FGF12: variants seen among roughly 807,000 people sequenced by gnomAD.
FGF12 encodes the protein fibroblast growth factor 12B.
A neutral mutation model predicts 23.6 loss-of-function variants in FGF12; 14 were observed. The ratio of observed to expected loss-of-function variants is 0.59; its 90% CI spans 0.39 to 0.93. The LOEUF is 0.93. Among genes scored for constraint, FGF12 ranks in the 40% least tolerant of loss-of-function variants. The pLI, the probability that FGF12 is intolerant of heterozygous loss-of-function variation, is 0.00. For synonymous variants in FGF12, 62 were observed against 77.3 expected (o/e 0.80, Z 1.04); for missense variants, 175 against 217.8 (o/e 0.80, Z 1.24).
chr3:192,567,733 GTCTCTT>G (rs771371662), intron 2 of FGF12, among the ~76,000 whole-genome samples: 6 of 141,020 alleles, frequency 4.3e-5, no homozygotes, highest in Non-Finnish European at 4.7e-5. Context: ...TTCTCCATGT[GTCTCTT>G]TCTTTCTTTC....
chr3:192,677,795 G>T (rs984821836), intron 2 of FGF12, among the ~76,000 whole-genome samples: 1 of 152,152 alleles, frequency 6.6e-6, no homozygotes, highest in African/African-American at 2.4e-5. Context: ...ACCCTAAGCG[G>T]ACTCCCAGGC....
intron 2 of FGF12, among the ~76,000 whole-genome samples, chr3:192,725,994 T>C (rs1429639991): frequency 6.6e-6 from 1 of 152,200 alleles, no homozygotes. Flanking sequence ...CTAGTCTTAA[T>C]CCATGTTGAT....
intron 2 of FGF12, among the ~76,000 whole-genome samples, chr3:192,688,401 A>G (rs1577122386): frequency 6.6e-6 from 1 of 152,186 alleles, no homozygotes; most frequent in African/African-American, 2.4e-5. Context: ...TACCAAAACC[A>G]GTCTATAAAG....
At chr3:192,524,378 T>C (rs2108847619) in intron 2 of FGF12, among the ~76,000 whole-genome samples, 1 of 152,350 alleles carries the variant, frequency 6.6e-6, no homozygotes, top group East Asian at 1.9e-4. Flanking sequence ...CAGTAAACTC[T>C]GAGCTTTCTA....
intron 2 of FGF12, among the ~76,000 whole-genome samples, chr3:192,496,288 G>A (rs1238423410): frequency 7.4e-6 from 1 of 134,596 alleles, no homozygotes; most frequent in East Asian, 2.2e-4. Context: ...ATCTCGGGGG[G>A]AGCTTTTCTA....
At chr3:192,326,980 C>A (rs1331165653) in intron 4 of FGF12, among the ~76,000 whole-genome samples, 1 of 152,098 alleles carries the variant, frequency 6.6e-6, no homozygotes, top group Non-Finnish European at 1.5e-5. Flanking sequence ...AGAAGCATTC[C>A]AATGGAAAGG....
intron 3 of FGF12, among the ~76,000 whole-genome samples, chr3:192,354,307 A>G (rs1718366419): frequency 6.6e-6 from 1 of 152,204 alleles, no homozygotes; most frequent in African/African-American, 2.4e-5. Flanking sequence ...TTAACTAAAT[A>G]TCAAATATAA....
At chr3:192,460,017 C>A (rs1193687084) in intron 2 of FGF12, among the ~76,000 whole-genome samples, 3 of 151,576 alleles carry the variant, frequency 2.0e-5, no homozygotes, top group Non-Finnish European at 2.9e-5. Flanking sequence ...TCGAGTCATG[C>A]AGGATGAACA....
At chr3:192,653,385 T>G in intron 2 of FGF12, among the ~76,000 whole-genome samples, 1 of 152,202 alleles carries the variant, frequency 6.6e-6, no homozygotes, top group East Asian at 1.9e-4. Flanking sequence ...GGTCCCTACA[T>G]TTTGGTTTCT....
chr3:192,662,335 T>G (rs1228072037), intron 2 of FGF12, among the ~76,000 whole-genome samples: 1 of 152,222 alleles, frequency 6.6e-6, no homozygotes, highest in East Asian at 1.9e-4. Flanking sequence ...TTTCCACCAT[T>G]CATTTTCATT....
chr3:192,415,731 C>T (rs1167387470), intron 2 of FGF12, among the ~76,000 whole-genome samples: 1 of 71,492 alleles, frequency 1.4e-5, no homozygotes, highest in African/African-American at 4.6e-5. Context: ...CTCTCTCTCT[C>T]TCACACACAC....
At chr3:192,509,962 C>T (rs985595665) in intron 2 of FGF12, among the ~76,000 whole-genome samples, 48 of 152,150 alleles carry the variant, frequency 3.2e-4, no homozygotes, top group Non-Finnish European at 8.8e-5. Flanking sequence ...AAGTTACTCA[C>T]AAAAAGAAGT....
intron 4 of FGF12, among the ~76,000 whole-genome samples, chr3:192,273,479 A>G (rs1480221848): frequency 6.6e-6 from 1 of 152,152 alleles, no homozygotes; most frequent in African/African-American, 2.4e-5. Flanking sequence ...ATGCTAGGCA[A>G]TATTTAGAGT....
chr3:192,558,252 C>T (rs1280478463), intron 2 of FGF12, among the ~76,000 whole-genome samples: 2 of 151,832 alleles, frequency 1.3e-5, no homozygotes, highest in African/African-American at 4.8e-5. Context: ...ACAAAATCAA[C>T]AAACAAAAAT....
chr3:192,487,638 G>A (rs1230219118), intron 2 of FGF12, among the ~76,000 whole-genome samples: 6 of 152,024 alleles, frequency 3.9e-5, no homozygotes, highest in African/African-American at 7.2e-5. Flanking sequence ...TGGCAAAATC[G>A]ATGCTGCCTA....
chr3:192,451,707 T>C lies in FGF12; in HGVS notation c.14-91169A>G, dbSNP rs569107701. Among the ~76,000 whole-genome samples, 3 of 152,324 alleles carry C rather than the reference T, an allele frequency of 2.0e-5. No homozygotes were observed. The East Asian group carries it at 5.8e-4, about 29-fold the overall frequency. On this transcript the variant is annotated intron_variant, in intron 2 of 5. Coordinates refer to ENST00000445105, the MANE Select transcript of FGF12 (RefSeq NM_004113.6). ...ATTTTGCACTTAACAGTTTTCTTCT[T>C]AACAATTTGTTTCTAAGATTCACCT...
intron 2 of FGF12, among the ~76,000 whole-genome samples, chr3:192,599,266 A>AATAATAATAATAATAATAATAATAATT (rs1560164683): frequency 7.5e-5 from 11 of 146,360 alleles, no homozygotes; most frequent in African/African-American, 2.8e-4. Flanking sequence ...TAATAATAAT[A>AATAATAATAATAATAATAATAATAATT]ATAATAATAA....
intron 2 of FGF12, among the ~76,000 whole-genome samples, chr3:192,705,212 T>A (rs1312309118): frequency 6.6e-6 from 1 of 152,270 alleles, no homozygotes; most frequent in Non-Finnish European, 1.5e-5. Flanking sequence ...CAGCCTTCAA[T>A]ATGCCTTCCT....
intron 2 of FGF12, among the ~76,000 whole-genome samples, chr3:192,381,776 T>A (rs1355480906): frequency 6.6e-6 from 1 of 151,984 alleles, no homozygotes; most frequent in African/African-American, 2.4e-5. Context: ...CAGAAACGAC[T>A]TTTTGGTGAA....
Sources: allele counts gnomAD v4.1 joint callset (sites outside exome capture counted in the v4.1 genomes callset), GRCh38; gene constraint gnomAD v4.1.1; transcripts MANE v1.5; gene names NCBI Gene and HGNC (gene_info 2026-07-23, HGNC 2026-07-21).